The following ARAP1 variants were observed in gnomAD, a reference collection of about 807,000 sequenced individuals.
ARAP1 encodes ArfGAP with RhoGAP domain, ankyrin repeat and PH domain 1.
ARAP1 carries 76 observed loss-of-function variants against 172.2 expected under a neutral mutation model. The ratio of observed to expected loss-of-function variants is 0.44; its 90% CI spans 0.37 to 0.53. The LOEUF (loss-of-function observed/expected upper bound fraction) is 0.53. ARAP1 is among the 20% of genes least tolerant of loss of function. The probability of loss-of-function intolerance (pLI) is 0.00; values close to 1 mark genes in which losing one functional copy is unlikely to be tolerated. For missense variants in ARAP1, 1,686 were observed against 1,977.5 expected (o/e 0.85, Z 2.80); for synonymous variants, 804 against 803.3 (o/e 1.00, Z -0.01).
At chr11:72,711,753 T>C (rs1463446087) in intron 7 of ARAP1, among the ~76,000 whole-genome samples, 2 of 144,292 alleles carry the variant, frequency 1.4e-5, no homozygotes, top group South Asian at 2.2e-4. Flanking sequence ...TGGAAGGCAG[T>C]AGTACAGGCC....
chr11:72,687,386 A>T, intron 33 of ARAP1, 53 bp downstream of exon 33: 1 of 1,608,290 alleles, frequency 6.2e-7, no homozygotes, highest in Non-Finnish European at 8.5e-7. Context: ...CCCATTCTCC[A>T]TAATGGAAGC....
At chr11:72,718,276 C>T (rs1857366946) in intron 3 of ARAP1, among the ~76,000 whole-genome samples, 1 of 152,112 alleles carries the variant, frequency 6.6e-6, no homozygotes, top group African/African-American at 2.4e-5. Flanking sequence ...TGACCCCCTA[C>T]CGAGAACAGG....
chr11:72,697,440 G>A lies in ARAP1; in HGVS notation c.2836C>T (p.Leu946=), dbSNP rs1217379340. Reference sequence around the variant, plus strand: ...GCGGCTGCTTTCTGGATGGCCCCCAGCCAACCCATGAAGTCCAGCCGCCGC... The same window carrying A: ...GCGGCTGCTTTCTGGATGGCCCCCAACCAACCCATGAAGTCCAGCCGCCGC... ...GERRLDFMGW[L]GAIQKAAASM... The change falls in exon 21 of 35, where the codon CTG becomes TTG. Residue 946 remains leucine (L), a synonymous_variant. Coordinates refer to ENST00000393609, the MANE Select transcript of ARAP1 (RefSeq NM_001040118.3). The A allele has an allele frequency of 6.2e-7, 1 of 1,612,718 alleles. No homozygotes were observed. Among genetic ancestry groups the A allele is most frequent in the Non-Finnish European group, 8.5e-7 (1 of 1,179,744 alleles).
At chr11:72,721,022 G>T (rs1857485688) in intron 3 of ARAP1, among the ~76,000 whole-genome samples, 1 of 152,176 alleles carries the variant, frequency 6.6e-6, no homozygotes, top group East Asian at 1.9e-4. Context: ...GCAGGAGGAA[G>T]TTCATCCTCA....
chr11:72,749,907 T>G (rs1471579294), intron 1 of ARAP1, among the ~76,000 whole-genome samples: 1 of 151,078 alleles, frequency 6.6e-6, no homozygotes, highest in Non-Finnish European at 1.5e-5. Context: ...CTCTCTCCCC[T>G]TTCCCCCAGA....
rs1857695756 is a variant in ARAP1 at position 72,726,514 on chromosome 11, C to G, written c.509+106G>C. On this transcript the variant is annotated intron_variant, in intron 3 of 34. Transcript: ENST00000393609. This position sits in a 1 kb window ranked among gnomAD's most constrained non-coding sequence, Gnocchi z 6.5. ...CTTTGCACACGCTGTTCCCCCTGCA[C>G]TTCCGAAGTGCCTTTCTTACCCCAG... 1 of 1,384,784 alleles carries G rather than the reference C, an allele frequency of 7.2e-7. No homozygotes were observed. The highest frequency in any genetic ancestry group is 1.5e-5 in the African/African-American group (1 of 68,632). The allele number at this position is 1,384,784 out of a possible 1,614,324, so 85.8% of individuals were successfully genotyped here. A position where few individuals can be genotyped will look rare whatever the true frequency, so the allele number is the denominator to read the frequency against.
At chr11:72,705,179 C>T (rs1240690469) in intron 13 of ARAP1, 1 of 152,412 alleles carries the variant, frequency 6.6e-6, no homozygotes, top group Non-Finnish European at 1.5e-5. Context: ...CCTATATCTA[C>T]CACATATGGG....
chr11:72,714,433 C>T (rs1857184931), intron 3 of ARAP1, 112 bp from the exon 4 acceptor site: 1 of 1,083,706 alleles, frequency 9.2e-7, no homozygotes, highest in African/African-American at 1.6e-5. Context: ...CACAAACTCA[C>T]ACAGACAGGA....
In ARAP1 at chr11:72,703,617, T is replaced by A. The variant is rs114457136; in HGVS notation, c.1992+535A>T. 9.8e-3 allele frequency among the ~76,000 whole-genome samples: 1,483 copies of A among 152,006 alleles called. 9 individuals carry two copies. The highest frequency in any genetic ancestry group is 0.015 in the Non-Finnish European group (990 of 67,966). Reference sequence around the variant, plus strand: ...ACTGAGTCTGCCTGGGAGGGGCGGTTTGGGGGAGGGGCTGAAGGCCAACCA... The same window carrying A: ...ACTGAGTCTGCCTGGGAGGGGCGGTATGGGGGAGGGGCTGAAGGCCAACCA... On this transcript the variant is annotated intron_variant, in intron 14 of 34. Coordinates refer to ENST00000393609, the MANE Select transcript of ARAP1 (RefSeq NM_001040118.3).
At position 72,709,896 on chromosome 11, in the gene ARAP1, G is replaced by A; in HGVS notation, c.1497C>T (p.Asp499=). The change falls in exon 11 of 35, where the codon GAC becomes GAT. Residue 499 remains aspartate, a synonymous_variant. Transcript: ENST00000393609. ...NVKEVDRRSF[D]LTTPYRIFSF... ...TGAAGATGCGGTAGGGCGTGGTGAG[G>A]TCGAAGCTGCGCCGGTCCACTTCCT... is the stretch of plus-strand genomic sequence containing the variant. 1.2e-6 allele frequency: 2 copies of A among 1,614,184 alleles called. No individual in the cohort carries two copies. Among genetic ancestry groups the A allele is most frequent in the Middle Eastern group, 1.6e-4 (1 of 6,062 alleles).
chr11:72,693,477 G>T lies in ARAP1; in HGVS notation c.3809-7C>A. Reference sequence around the variant, plus strand: ...GTGTCACCGACACGGCTGGCTGGGGGGTGGGACTGGAGTGGGCACAGGCTG... The same window carrying T: ...GTGTCACCGACACGGCTGGCTGGGGTGTGGGACTGGAGTGGGCACAGGCTG... On this transcript the variant is annotated splice_region_variant and splice_polypyrimidine_tract_variant and intron_variant, in intron 28 of 34. Transcript: ENST00000393609. This position sits in a 1 kb window ranked among gnomAD's most constrained non-coding sequence, Gnocchi z 4.6. The T allele has an allele frequency of 1.2e-6, 2 of 1,611,960 alleles. No individual in the cohort carries two copies. The highest frequency in any genetic ancestry group is 2.2e-5 in the South Asian group (2 of 90,910).
chr11:72,713,301 G>C, intron 4 of ARAP1, 58 bp from the exon 5 acceptor site: 1 of 1,510,082 alleles, frequency 6.6e-7, no homozygotes, highest in Non-Finnish European at 9.2e-7. Context: ...CTCTCCTGGG[G>C]CACCACACTG....
intron 30 of ARAP1, among the ~76,000 whole-genome samples, chr11:72,692,078 A>AC (rs1855958534): frequency 6.6e-6 from 1 of 151,812 alleles, no homozygotes; most frequent in African/African-American, 2.4e-5. Context: ...ACAGTTGGGG[A>AC]CCCCTGCTGC....
In ARAP1 at chr11:72,695,476, GC is replaced by G; in HGVS notation, c.3508-22del. On this transcript the variant is annotated intron_variant, in intron 25 of 34. Transcript: ENST00000393609. The surrounding 1 kb of genome is among the most constrained non-coding windows in gnomAD (Gnocchi z 4.4). Reference sequence around the variant, plus strand: ...GCATGCTGCAGGGAGACAGGGCTCAGCTGGGGGCCTAGGAAATGGGTGCAGG... The same window carrying G: ...GCATGCTGCAGGGAGACAGGGCTCAGTGGGGGCCTAGGAAATGGGTGCAGG... 6.2e-7 allele frequency: 1 copy of G among 1,614,222 alleles called. No homozygotes were observed. The highest frequency in any genetic ancestry group is 1.1e-5 in the South Asian group (1 of 91,090).
chr11:72,738,639 G>A (rs955519320), intron 1 of ARAP1, among the ~76,000 whole-genome samples: 10 of 152,026 alleles, frequency 6.6e-5, no homozygotes, highest in East Asian at 1.9e-4. Context: ...GCAGGGCAGC[G>A]ACCCCAGCAT....
intron 30 of ARAP1, among the ~76,000 whole-genome samples, chr11:72,690,021 T>C (rs1027197909): frequency 4.0e-5 from 6 of 151,708 alleles, no homozygotes; most frequent in Non-Finnish European, 7.4e-5. Flanking sequence ...ATAAAAGAGA[T>C]TCGGCTGCAG....
chr11:72,717,289 C>A (rs1174536168), intron 3 of ARAP1, among the ~76,000 whole-genome samples: 1 of 152,158 alleles, frequency 6.6e-6, no homozygotes, highest in Non-Finnish European at 1.5e-5. Flanking sequence ...CTGGGATCAG[C>A]AGAGAGCAGA....
At chr11:72,734,086 C>A (rs559487141) in intron 1 of ARAP1, among the ~76,000 whole-genome samples, 12 of 152,050 alleles carry the variant, frequency 7.9e-5, no homozygotes, top group African/African-American at 2.7e-4. Flanking sequence ...TCAGCCCCCC[C>A]AGTTGCTAGA....
At chr11:72,709,761 C>T in intron 11 of ARAP1, 109 bp downstream of exon 11, 1 of 1,139,998 alleles carries the variant, frequency 8.8e-7, no homozygotes, top group Admixed American at 1.7e-5. Context: ...CAGGGCGGGG[C>T]AGGGTGAGGG....
Sources: allele counts gnomAD v4.1 joint callset (sites outside exome capture counted in the v4.1 genomes callset), GRCh38; gene constraint gnomAD v4.1.1; non-coding constraint Gnocchi (gnomAD v3.1); transcripts MANE v1.5; gene names NCBI Gene and HGNC (gene_info 2026-07-23, HGNC 2026-07-21).